Variants in PRAG1 observed in about 807,000 individuals in gnomAD.
PRAG1 encodes the protein PEAK1 related, kinase-activating pseudokinase 1, also known as inactive tyrosine-protein kinase PRAG1.
Under a neutral mutation model 95.6 loss-of-function variants are expected in PRAG1, and 110 were observed. The observed-to-expected ratio is 1.15, with a 90% CI of 0.99 to 1.35. The LOEUF (loss-of-function observed/expected upper bound fraction) is 1.35. PRAG1 is among the 40% of genes most tolerant of loss of function. PRAG1 has a pLI of 0.00. For missense variants in PRAG1, 2,554 were observed against 1,864.7 expected (o/e 1.37, Z -6.81); for synonymous variants, 1,052 against 819.4 (o/e 1.28, Z -4.85).
At position 8,381,652 on chromosome 8, in the gene PRAG1, G is replaced by A. The variant is rs1446046643; in HGVS notation, c.96C>T (p.Asn32=). 3.1e-6 allele frequency: 5 copies of A among 1,613,864 alleles called. No individual in the cohort carries two copies. The African/African-American group carries it at 6.7e-5, about 22-fold the overall frequency. ...GGTGGTCGCTCCGCAGGCAGAAGCAGTTCTTGCAGGACCCGGGTTTCCAGA... is the reference window on the plus strand; with the variant it reads ...GGTGGTCGCTCCGCAGGCAGAAGCAATTCTTGCAGGACCCGGGTTTCCAGA... ...EHIWKPGSCK[N]CFCLRSDHQL... Residue 32 remains asparagine, a synonymous_variant, in exon 2 of 6, where the codon AAC becomes AAT. Transcript: ENST00000615670.
intron 3 of PRAG1, among the ~76,000 whole-genome samples, chr8:8,355,668 A>T (rs1799657941): frequency 6.6e-6 from 1 of 152,164 alleles, no homozygotes. Context: ...TCAAAAGGGC[A>T]CCATAGAAAA....
rs879694365 is a variant in PRAG1, at chr8:8,318,357, G to T, written c.4018C>A (p.Pro1340Thr). The T allele has an allele frequency of 2.5e-6, 4 of 1,613,752 alleles. No individual in the cohort carries two copies. Among genetic ancestry groups the T allele is most frequent in the African/African-American group, 2.7e-5 (2 of 74,950 alleles). The part of the protein sequence containing the change: ...WGPRRELVQQ[P>T]GTSEEALCGT... The stretch of plus-strand genomic sequence containing the variant: ...CACAGCGCCTCCTCCGAGGTGCCCG[G>T]CTGCTGCACCAGCTCGCGCCGAGGC... Residue 1340 changes from proline to threonine, a missense_variant, in exon 6 of 6, where the codon CCG becomes ACG. By Grantham distance (38) the Pro-to-Thr change is conservative. Coordinates refer to ENST00000615670, the MANE Select transcript of PRAG1 (RefSeq NM_001080826.3). This position sits in a 1 kb window ranked among gnomAD's most constrained non-coding sequence, Gnocchi z 4.2.
Position 8,376,817 on chromosome 8 carries a change from T to G in PRAG1, c.1592A>C (p.His531Pro), listed in dbSNP as rs1254864757. ...CTTGGGCTTGCTCTCGCTGGCACTG[T>G]GAGCATGGCTTTCCCTGGAGCTCAG... ...QGLSSRESHA[H>P]SASESKPKER... The change falls in exon 3 of 6, where the codon CAC becomes CCC. Residue 531 changes from histidine to proline, a missense_variant. His to Pro is a moderately conservative substitution (Grantham distance 77). Coordinates refer to ENST00000615670, the MANE Select transcript of PRAG1 (RefSeq NM_001080826.3). The G allele has an allele frequency of 8.1e-6, 13 of 1,612,198 alleles. No individual in the cohort carries two copies. The highest frequency in any genetic ancestry group is 1.0e-5 in the Non-Finnish European group (12 of 1,179,802).
chr8:8,384,865 G>C (rs960741945), intron 1 of PRAG1, among the ~76,000 whole-genome samples: 1 of 152,100 alleles, frequency 6.6e-6, no homozygotes, highest in Non-Finnish European at 1.5e-5. Context: ...AGGCTGCAGT[G>C]TCAGATTAGA....
At chr8:8,369,547 C>G (rs1441197907) in intron 3 of PRAG1, among the ~76,000 whole-genome samples, 1 of 152,152 alleles carries the variant, frequency 6.6e-6, no homozygotes, top group Non-Finnish European at 1.5e-5. Context: ...GAAATAAACA[C>G]GGCACTGTCT....
At chr8:8,321,693 C>G (rs1189010612) in intron 5 of PRAG1, among the ~76,000 whole-genome samples, 1 of 152,144 alleles carries the variant, frequency 6.6e-6, no homozygotes, top group Non-Finnish European at 1.5e-5. Flanking sequence ...ATTATTTGCT[C>G]AGGACTATAC....
intron 3 of PRAG1, among the ~76,000 whole-genome samples, chr8:8,372,828 G>A (rs945499111): frequency 2.0e-5 from 3 of 152,132 alleles, no homozygotes; most frequent in Admixed American, 6.5e-5. Flanking sequence ...AAAATAGGGC[G>A]ATAAACAGAA....
At chr8:8,341,347 CAT>C (rs1341902330) in intron 3 of PRAG1, among the ~76,000 whole-genome samples, 6 of 152,150 alleles carry the variant, frequency 3.9e-5, no homozygotes, top group Admixed American at 1.3e-4. Context: ...CACACACACA[CAT>C]ACTTACTTAA....
chr8:8,366,920 C>T (rs1260123575), intron 3 of PRAG1, among the ~76,000 whole-genome samples: 2 of 152,090 alleles, frequency 1.3e-5, no homozygotes, highest in Non-Finnish European at 2.9e-5. Flanking sequence ...GCAAGTGATT[C>T]TCCTGCTTCC....
chr8:8,337,765 T>C (rs1585233234), intron 4 of PRAG1, among the ~76,000 whole-genome samples: 4 of 152,342 alleles, frequency 2.6e-5, no homozygotes, highest in East Asian at 1.9e-4. Context: ...AACGTCTGAA[T>C]AGGTTTCCCC....
At chr8:8,333,999 T>C (rs1005679974) in intron 4 of PRAG1, among the ~76,000 whole-genome samples, 5 of 152,160 alleles carry the variant, frequency 3.3e-5, no homozygotes, top group African/African-American at 9.7e-5. Flanking sequence ...CCCCATTAAC[T>C]ATTCCTGCAT....
intron 3 of PRAG1, chr8:8,374,558 G>C: frequency 1.4e-6 from 1 of 726,680 alleles, no homozygotes; most frequent in Non-Finnish European, 1.7e-6. Flanking sequence ...CTACCTCTTA[G>C]GGCTGTTCTG....
chr8:8,381,703 A>T lies in PRAG1; in HGVS notation c.45T>A (p.Ser15=). The change falls in exon 2 of 6, where the codon TCT becomes TCA. Residue 15 remains serine (S), a synonymous_variant. Coordinates refer to ENST00000615670, the MANE Select transcript of PRAG1 (RefSeq NM_001080826.3). ...TGTGCTCCACAAAGTCACTGCACGCAGACATTTTCAGGCTCTCGGGGTTCA... is the reference window on the plus strand; with the variant it reads ...TGTGCTCCACAAAGTCACTGCACGCTGACATTTTCAGGCTCTCGGGGTTCA... ...LCLNPESLKM[S]ACSDFVEHIW... The T allele has an allele frequency of 6.2e-7, 1 of 1,607,374 alleles. No individual in the cohort carries two copies. Among genetic ancestry groups the T allele is most frequent in the Non-Finnish European group, 8.5e-7 (1 of 1,174,794 alleles).
intron 3 of PRAG1, among the ~76,000 whole-genome samples, chr8:8,354,284 G>T (rs954236885): frequency 6.6e-6 from 1 of 151,792 alleles, no homozygotes; most frequent in Non-Finnish European, 1.5e-5. Flanking sequence ...AATTAAAAAC[G>T]TTCCAACGAA....
At chr8:8,337,631 C>A (rs1451499068) in intron 4 of PRAG1, among the ~76,000 whole-genome samples, 5 of 152,164 alleles carry the variant, frequency 3.3e-5, no homozygotes, top group African/African-American at 1.2e-4. Flanking sequence ...AGGTACATAT[C>A]TTCTTGTTGG....
At chr8:8,329,122 G>T (rs1290971887) in intron 4 of PRAG1, among the ~76,000 whole-genome samples, 1 of 152,156 alleles carries the variant, frequency 6.6e-6, no homozygotes, top group Admixed American at 6.5e-5. Flanking sequence ...GCTGGGTGCG[G>T]CGGCTCATGC....
At chr8:8,338,266 G>A (rs746261156) in intron 4 of PRAG1, among the ~76,000 whole-genome samples, 1 of 152,156 alleles carries the variant, frequency 6.6e-6, no homozygotes, top group Non-Finnish European at 1.5e-5. Flanking sequence ...GCGAGTGGAC[G>A]TCATGGTTTA....
intron 5 of PRAG1, among the ~76,000 whole-genome samples, chr8:8,320,383 C>T (rs1451260095): frequency 6.6e-6 from 1 of 152,202 alleles, no homozygotes; most frequent in African/African-American, 2.4e-5. Flanking sequence ...ATCCACACAA[C>T]TCTGTCTTTC....
At chr8:8,382,444 C>G (rs1439147311) in intron 1 of PRAG1, among the ~76,000 whole-genome samples, 1 of 152,196 alleles carries the variant, frequency 6.6e-6, no homozygotes, top group East Asian at 1.9e-4. Flanking sequence ...TATGCAGAGT[C>G]TGGCATCTTG....
Sources: allele counts gnomAD v4.1 joint callset (sites outside exome capture counted in the v4.1 genomes callset), GRCh38; gene constraint gnomAD v4.1.1; non-coding constraint Gnocchi (gnomAD v3.1); transcripts MANE v1.5; gene names NCBI Gene and HGNC (gene_info 2026-07-23, HGNC 2026-07-21).